The following ARID1B variants were observed in gnomAD, a reference collection of about 807,000 sequenced individuals.
ARID1B encodes AT-rich interactive domain-containing protein 1B.
A neutral mutation model predicts 212.3 loss-of-function variants in ARID1B; 30 were observed. The ratio of observed to expected loss-of-function variants is 0.14; its 90% CI spans 0.11 to 0.19. The LOEUF (loss-of-function observed/expected upper bound fraction) is 0.19. Ranked by LOEUF, ARID1B falls within the 10% of genes least tolerant of loss-of-function variation. The pLI is 1.00. For missense variants in ARID1B, 2,891 were observed against 3,204.0 expected (o/e 0.90, Z 2.36); for synonymous variants, 1,402 against 1,301.7 (o/e 1.08, Z -1.66).
At chr6:156,925,665 T>C (rs529311841) in intron 3 of ARID1B, among the ~76,000 whole-genome samples, 2 of 152,350 alleles carry the variant, frequency 1.3e-5, no homozygotes, top group South Asian at 4.1e-4. Flanking sequence ...CTAATTGGCC[T>C]CTGGGATTAG....
intron 2 of ARID1B, among the ~76,000 whole-genome samples, chr6:156,867,016 C>T (rs1187031154): frequency 1.3e-5 from 2 of 152,192 alleles, no homozygotes; most frequent in East Asian, 3.8e-4. Context: ...TTTAACATGG[C>T]CTGGCACAGT....
At chr6:156,934,912 TTATA>T (rs201495355) in intron 3 of ARID1B, among the ~76,000 whole-genome samples, 883 of 51,782 alleles carry the variant, frequency 0.017, 5 homozygotes, top group South Asian at 0.022. Context: ...TAGTTGTTAA[TTATA>T]TATATATATA....
rs1208883079 is a variant in ARID1B, at chr6:157,018,212, CTTTTTTTTT to C, written c.2248-66436_2248-66428del. 6.9e-5 allele frequency among the ~76,000 whole-genome samples: 5 copies of C among 72,432 alleles called. No homozygotes were observed. The South Asian group carries it at 1.7e-3, about 25-fold the overall frequency. 47.5% of individuals were successfully genotyped at this position (72,432 alleles called of 152,430 possible). ...GAATGTCTAAACAAAAAGTAGTATG[CTTTTTTTTT>C]TTTTTTTTTTTTTGAGATACAGTCT... On this transcript the variant is annotated intron_variant, in intron 4 of 19. Transcript: ENST00000636930.
intron 4 of ARID1B, among the ~76,000 whole-genome samples, chr6:157,009,423 A>G (rs1393275986): frequency 6.6e-6 from 1 of 152,210 alleles, no homozygotes; most frequent in Non-Finnish European, 1.5e-5. Context: ...AGAATAGCGG[A>G]AAAGTTGGCC....
chr6:157,142,891 C>A (rs1789479027), intron 7 of ARID1B, among the ~76,000 whole-genome samples: 1 of 152,158 alleles, frequency 6.6e-6, no homozygotes, highest in Non-Finnish European at 1.5e-5. Flanking sequence ...TTGTTCATAA[C>A]TGTTGAGTGA....
intron 4 of ARID1B, among the ~76,000 whole-genome samples, chr6:157,022,097 G>T (rs1347053930): frequency 6.6e-6 from 1 of 151,738 alleles, no homozygotes; most frequent in South Asian, 2.1e-4. Context: ...GACGAAGGAC[G>T]CCAGCAGGGC....
intron 5 of ARID1B, among the ~76,000 whole-genome samples, chr6:157,109,205 C>T (rs889446411): frequency 1.7e-4 from 26 of 152,172 alleles, no homozygotes; most frequent in Admixed American, 1.6e-3. Context: ...TGTTGTACAT[C>T]GTCAAATACC....
chr6:156,871,060 A>G (rs1786088750), intron 2 of ARID1B, among the ~76,000 whole-genome samples: 2 of 152,162 alleles, frequency 1.3e-5, no homozygotes, highest in Non-Finnish European at 2.9e-5. Context: ...AAGTTCCGTA[A>G]CTAGAATCTG....
chr6:156,886,623 A>C (rs1423914510), intron 2 of ARID1B, among the ~76,000 whole-genome samples: 2 of 152,122 alleles, frequency 1.3e-5, no homozygotes, highest in Non-Finnish European at 1.5e-5. Context: ...TGGAGTGAGC[A>C]CTTCCGTTTG....
At chr6:156,952,212 A>C (rs1324849193) in intron 4 of ARID1B, among the ~76,000 whole-genome samples, 1 of 152,198 alleles carries the variant, frequency 6.6e-6, no homozygotes, top group Admixed American at 6.5e-5. Flanking sequence ...TCTGGGAAGA[A>C]GATTGCTGAT....
At chr6:157,134,450 C>T (rs1247407751) in intron 7 of ARID1B, among the ~76,000 whole-genome samples, 4 of 152,220 alleles carry the variant, frequency 2.6e-5, no homozygotes, top group African/African-American at 7.2e-5. Context: ...AGAAAGCAAA[C>T]GTCTGTATAG....
chr6:156,994,844 G>A (rs1268321393), intron 4 of ARID1B, among the ~76,000 whole-genome samples: 1 of 152,210 alleles, frequency 6.6e-6, no homozygotes, highest in African/African-American at 2.4e-5. Flanking sequence ...GCCTGGAGAG[G>A]TTCTCTTACC....
chr6:157,060,390 C>G (rs951304648), intron 4 of ARID1B, among the ~76,000 whole-genome samples: 4 of 152,060 alleles, frequency 2.6e-5, no homozygotes, highest in Non-Finnish European at 4.4e-5. Flanking sequence ...GCAAAGTAGT[C>G]TCTGTTTGTA....
At chr6:157,042,815 C>T (rs772560512) in intron 4 of ARID1B, among the ~76,000 whole-genome samples, 14 of 152,096 alleles carry the variant, frequency 9.2e-5, no homozygotes, top group South Asian at 4.2e-4. Flanking sequence ...TGTGCCACAA[C>T]GCCCAGCTAA....
chr6:157,074,065 CAAAA>C (rs1784157322), intron 4 of ARID1B, among the ~76,000 whole-genome samples: 1 of 152,092 alleles, frequency 6.6e-6, no homozygotes, highest in Non-Finnish European at 1.5e-5. Flanking sequence ...TCCCCCAAAA[CAAAA>C]AGAAGACTGT....
chr6:156,838,019 A>G (rs1238583973), intron 2 of ARID1B, among the ~76,000 whole-genome samples: 1 of 152,260 alleles, frequency 6.6e-6, no homozygotes, highest in African/African-American at 2.4e-5. Flanking sequence ...CCAGCTTCCC[A>G]ATTCTTATGG....
intron 4 of ARID1B, among the ~76,000 whole-genome samples, chr6:156,993,864 T>C (rs1350961870): frequency 2.6e-5 from 4 of 152,250 alleles, no homozygotes; most frequent in African/African-American, 9.6e-5. Context: ...AATGGAAATT[T>C]TAAGTTTATC....
chr6:157,204,871 T>A (rs1157221511), intron 19 of ARID1B: 1 of 152,252 alleles, frequency 6.6e-6, no homozygotes, highest in Non-Finnish European at 1.5e-5. Flanking sequence ...TCCTTGCTTC[T>A]AAGGAAATAA....
chr6:157,177,324 A>G (rs1792162198), intron 11 of ARID1B, among the ~76,000 whole-genome samples: 2 of 152,248 alleles, frequency 1.3e-5, no homozygotes, highest in South Asian at 4.1e-4. Flanking sequence ...AAAAGAGAGT[A>G]TAATGAAGAA....
Sources: allele counts gnomAD v4.1 joint callset (sites outside exome capture counted in the v4.1 genomes callset), GRCh38; gene constraint gnomAD v4.1.1; transcripts MANE v1.5; gene names NCBI Gene and HGNC (gene_info 2026-07-23, HGNC 2026-07-21).